Variants in FRY observed in about 807,000 individuals in gnomAD.
The protein encoded by FRY is FRY microtubule binding protein.
A neutral mutation model predicts 348.4 loss-of-function variants in FRY; 128 were observed. The observed-to-expected ratio is 0.37, with a 90% CI of 0.32 to 0.43. The LOEUF (loss-of-function observed/expected upper bound fraction) is 0.43. Ranked by LOEUF, FRY falls within the 20% of genes least tolerant of loss-of-function variation. FRY has a pLI of 1.00. For synonymous variants in FRY, 1,370 were observed against 1,374.7 expected, an observed-to-expected ratio of 1.00 and a Z score of 0.08; for missense variants, 2,736 against 3,695.2, an observed-to-expected ratio of 0.74 and a Z score of 6.73.
At position 32,209,655 on chromosome 13, in the gene FRY, GCAA is replaced by G. The variant is rs771459488; in HGVS notation, c.4351_4353del (p.Asn1451del). On this transcript the variant is annotated inframe_deletion, in exon 33 of 61. Transcript: ENST00000542859. ...GCTTTAGCCAACAATGAGAAATGGA[GCAA>G]CAACCTGAGGATCACCTTGCAGTTC... The G allele has an allele frequency of 1.2e-6, 2 of 1,614,014 alleles. No homozygotes were observed. The highest frequency in any genetic ancestry group is 1.1e-5 in the South Asian group (1 of 91,072).
At chr13:32,130,256 G>A (rs892811001) in intron 7 of FRY, among the ~76,000 whole-genome samples, 3 of 151,900 alleles carry the variant, frequency 2.0e-5, no homozygotes, top group Non-Finnish European at 4.4e-5. Flanking sequence ...GGTCAGGCTG[G>A]TCTCGAACTC....
chr13:32,283,861 C>T (rs144593821), intron 58 of FRY, among the ~76,000 whole-genome samples: 70 of 152,330 alleles, frequency 4.6e-4, no homozygotes, highest in African/African-American at 1.6e-3. Flanking sequence ...AAAATCTCTT[C>T]ATGACTTAAA....
chr13:32,230,674 G>A (rs952468194), intron 40 of FRY, among the ~76,000 whole-genome samples: 4 of 152,180 alleles, frequency 2.6e-5, no homozygotes, highest in East Asian at 3.9e-4. Context: ...GTATATACTC[G>A]GTAATGGAAT....
At position 32,237,682 on chromosome 13, in the gene FRY, C is replaced by T. The variant is rs1203869704; in HGVS notation, c.6114C>T (p.Thr2038=). Reference sequence around the variant, plus strand: ...ACCCATCCCACATAAACCATCCCACCAACCTGCTGGCCACCATATTCTGGG... The same window carrying T: ...ACCCATCCCACATAAACCATCCCACTAACCTGCTGGCCACCATATTCTGGG... ...LTDPSHINHP[T]NLLATIFWVT... The change falls in exon 44 of 61, where the codon ACC becomes ACT. Residue 2038 remains threonine, a synonymous_variant. Coordinates refer to ENST00000542859, the MANE Select transcript of FRY (RefSeq NM_023037.3). This position sits in a 1 kb window ranked among gnomAD's most constrained non-coding sequence, Gnocchi z 6.3. 6.2e-7 allele frequency: 1 copy of T among 1,614,198 alleles called. No homozygotes were observed. Among genetic ancestry groups the T allele is most frequent in the South Asian group, 1.1e-5 (1 of 91,082 alleles).
In FRY at chr13:32,164,343, T is replaced by G. The variant is rs530794387; in HGVS notation, c.1892+3092T>G. Among the ~76,000 whole-genome samples the G allele has an allele frequency of 2.0e-5, 3 of 152,024 alleles. No homozygotes were observed. In the South Asian group the frequency reaches 6.3e-4, roughly 32 times the overall value. On this transcript the variant is annotated intron_variant, in intron 17 of 60. Transcript: ENST00000542859. ...GGTACACTTTTTATTTAAAACCTTG[T>G]TTTTTTTCATAATTGGTAAAATAAG... is the stretch of plus-strand genomic sequence containing the variant.
chr13:32,126,528 C>G (rs189887395), intron 7 of FRY, among the ~76,000 whole-genome samples: 2 of 152,138 alleles, frequency 1.3e-5, no homozygotes, highest in Admixed American at 1.3e-4. Flanking sequence ...CCCTATTCTG[C>G]GGTAGTAGGG....
intron 53 of FRY, among the ~76,000 whole-genome samples, chr13:32,263,791 G>A (rs1056002619): frequency 3.3e-5 from 5 of 152,254 alleles, no homozygotes; most frequent in Non-Finnish European, 7.4e-5. Flanking sequence ...GGTGGATCAC[G>A]AGGTCAGGAG....
In FRY at chr13:32,231,188, T is replaced by A. The variant is rs967264593; in HGVS notation, c.5415T>A (p.Gly1805=). Residue 1805 remains glycine, a synonymous_variant, in exon 41 of 61, where the codon GGT becomes GGA. Coordinates refer to ENST00000542859, the MANE Select transcript of FRY (RefSeq NM_023037.3). ...GTGTGTTTTGTTTAAGGGCATTTGGTCCACTTTGGTGCCATGAAGACATCA... is the reference window on the plus strand; with the variant it reads ...GTGTGTTTTGTTTAAGGGCATTTGGACCACTTTGGTGCCATGAAGACATCA... The part of the protein sequence containing the change: ...LIEFLTTRAF[G]PLWCHEDITP... 4.3e-6 allele frequency: 7 copies of A among 1,613,694 alleles called. No individual in the cohort carries two copies. Among genetic ancestry groups the A allele is most frequent in the Non-Finnish European group, 5.9e-6 (7 of 1,179,592 alleles).
At chr13:32,035,841 T>C (rs1350050400) in intron 1 of FRY, among the ~76,000 whole-genome samples, 1 of 152,182 alleles carries the variant, frequency 6.6e-6, no homozygotes, top group Non-Finnish European at 1.5e-5. Flanking sequence ...TAGGAAGGTG[T>C]TGGTGTGCAT....
In FRY at chr13:32,276,491, C is replaced by T; in HGVS notation, c.8314C>T (p.Leu2772Phe). 4 of 1,602,552 alleles carry T rather than the reference C, an allele frequency of 2.5e-6. No homozygotes were observed. The highest frequency in any genetic ancestry group is 3.4e-6 in the Non-Finnish European group (4 of 1,169,464). The change falls in exon 57 of 61, where the codon CTC becomes TTC. Residue 2772 changes from leucine (L) to phenylalanine (F), a missense_variant. Physicochemically the swap from Leu to Phe is conservative, Grantham distance 22 (BLOSUM62 0). Transcript: ENST00000542859. ...TLLSCGLLDK[L>F]KFSVLELQEY... is the part of the protein sequence containing the mutation. The stretch of plus-strand genomic sequence containing the variant: ...CCTTTCATGTGGACTTCTGGACAAG[C>T]TCAAGTTCAGTGTGTTAGAACTGCA...
chr13:32,062,156 C>T (rs904957086), intron 1 of FRY, among the ~76,000 whole-genome samples: 5 of 151,762 alleles, frequency 3.3e-5, no homozygotes, highest in African/African-American at 9.7e-5. Flanking sequence ...GTTTATAAAG[C>T]GTGCATTAAG....
intron 57 of FRY, among the ~76,000 whole-genome samples, chr13:32,277,189 A>G (rs1234306706): frequency 6.6e-6 from 1 of 152,212 alleles, no homozygotes; most frequent in Admixed American, 6.5e-5. Context: ...ATAGTATGCC[A>G]GGTACTATAG....
At chr13:32,070,561 T>G (rs1279221666) in intron 1 of FRY, among the ~76,000 whole-genome samples, 5 of 145,082 alleles carry the variant, frequency 3.4e-5, no homozygotes, top group Admixed American at 6.7e-5. Flanking sequence ...TTGATGGGTT[T>G]TTTTTTTTTT....
At chr13:32,097,270 G>C (rs74046709) in intron 2 of FRY, among the ~76,000 whole-genome samples, 1,923 of 152,002 alleles carry the variant, frequency 0.013, 35 homozygotes, top group African/African-American at 0.043. Flanking sequence ...TCATTTGTCT[G>C]AGTTTTAAGG....
intron 31 of FRY, among the ~76,000 whole-genome samples, chr13:32,205,958 T>A: frequency 6.6e-6 from 1 of 151,642 alleles, no homozygotes; most frequent in South Asian, 2.1e-4. Flanking sequence ...CAGAAGAGAA[T>A]GCCTACTGTG....
intron 15 of FRY, 30 bp from the exon 16 acceptor site, chr13:32,157,243 G>A: frequency 6.3e-7 from 1 of 1,592,954 alleles, no homozygotes; most frequent in Non-Finnish European, 8.6e-7. Context: ...AGATTCAGTT[G>A]AAGGTATAAC....
intron 29 of FRY, among the ~76,000 whole-genome samples, chr13:32,196,702 A>C (rs955983971): frequency 3.9e-5 from 6 of 152,144 alleles, no homozygotes; most frequent in Non-Finnish European, 8.8e-5. Context: ...CTTGAATAGG[A>C]CCAAAGGAAA....
intron 1 of FRY, among the ~76,000 whole-genome samples, chr13:32,052,411 A>G (rs1873379549): frequency 6.6e-6 from 1 of 152,244 alleles, no homozygotes; most frequent in African/African-American, 2.4e-5. Flanking sequence ...TAATTGGTCT[A>G]AAGCAGTGTG....
At chr13:32,062,576 G>A (rs1874006858) in intron 1 of FRY, among the ~76,000 whole-genome samples, 1 of 152,110 alleles carries the variant, frequency 6.6e-6, no homozygotes. Context: ...CATGTATTAA[G>A]TGAATTTTAT....
Sources: allele counts gnomAD v4.1 joint callset (sites outside exome capture counted in the v4.1 genomes callset), GRCh38; gene constraint gnomAD v4.1.1; non-coding constraint Gnocchi (gnomAD v3.1); transcripts MANE v1.5; gene names NCBI Gene and HGNC (gene_info 2026-07-23, HGNC 2026-07-21).